HLCS: variants seen among roughly 807,000 people sequenced by gnomAD.
The protein encoded by HLCS is biotin--protein ligase.
HLCS carries 53 observed loss-of-function variants against 75.0 expected under a neutral mutation model. The ratio of observed to expected loss-of-function variants is 0.71; its 90% confidence interval spans 0.57 to 0.89. The LOEUF is 0.89. Among genes scored for constraint, HLCS ranks in the 40% least tolerant of loss-of-function variants. HLCS has a pLI of 0.00. For synonymous variants in HLCS, 431 were observed against 428.6 expected, an observed-to-expected ratio of 1.01 and a Z score of -0.07; for missense variants, 966 against 1,074.0, an observed-to-expected ratio of 0.90 and a Z score of 1.41.
intron 5 of HLCS, among the ~76,000 whole-genome samples, chr21:36,918,005 G>C (rs2066005445): frequency 6.7e-6 from 1 of 150,248 alleles, no homozygotes; most frequent in Admixed American, 6.6e-5. Flanking sequence ...TAAATAAAGA[G>C]AACTGTTTTA....
At chr21:36,898,032 A>G (rs1031455264) in intron 5 of HLCS, among the ~76,000 whole-genome samples, 1 of 152,228 alleles carries the variant, frequency 6.6e-6, no homozygotes, top group African/African-American at 2.4e-5. Flanking sequence ...CTGTGGCTAC[A>G]GAGTAGTGGC....
chr21:36,767,106 T>C, intron 7 of HLCS, 112 bp downstream of exon 7: 1 of 1,028,492 alleles, frequency 9.7e-7, no homozygotes, highest in Non-Finnish European at 1.5e-6. Context: ...CAGAATCTAC[T>C]AACTTGAGTC....
intron 2 of HLCS, among the ~76,000 whole-genome samples, 151 bp downstream of exon 2, chr21:36,961,885 C>G (rs564005910): frequency 6.8e-6 from 1 of 146,844 alleles, no homozygotes; most frequent in East Asian, 2.0e-4. Context: ...ACCCAGGAGG[C>G]GGAGGTCCCA....
At chr21:36,930,485 GA>G in intron 4 of HLCS, 52 bp from the exon 5 acceptor site, 1 of 1,386,792 alleles carries the variant, frequency 7.2e-7, no homozygotes, top group South Asian at 1.2e-5. Flanking sequence ...CAGGCAATGA[GA>G]AAAACAGTTT....
chr21:36,832,378 G>A (rs1248137933), intron 6 of HLCS, among the ~76,000 whole-genome samples: 4 of 152,188 alleles, frequency 2.6e-5, no homozygotes, highest in Non-Finnish European at 2.9e-5. Flanking sequence ...TTCTAATATA[G>A]ATCACACAAC....
chr21:36,770,730 C>A (rs1265355525), intron 6 of HLCS, among the ~76,000 whole-genome samples: 1 of 152,054 alleles, frequency 6.6e-6, no homozygotes, highest in Admixed American at 6.5e-5. Context: ...CATACCACCA[C>A]ACCTGGCTAA....
chr21:36,771,737 G>A (rs537232975), intron 6 of HLCS, among the ~76,000 whole-genome samples: 7 of 152,234 alleles, frequency 4.6e-5, no homozygotes, highest in East Asian at 3.9e-4. Context: ...GGTGGCTCAC[G>A]CCTATAATCC....
At chr21:36,771,026 T>C (rs1159469098) in intron 6 of HLCS, among the ~76,000 whole-genome samples, 1 of 151,966 alleles carries the variant, frequency 6.6e-6, no homozygotes, top group Non-Finnish European at 1.5e-5. Flanking sequence ...AAGACCATCC[T>C]GGCTAACACG....
intron 6 of HLCS, among the ~76,000 whole-genome samples, chr21:36,798,459 A>G (rs1185774381): frequency 6.6e-6 from 1 of 152,242 alleles, no homozygotes; most frequent in Non-Finnish European, 1.5e-5. Context: ...AGCTGCTATG[A>G]ATATCTACAT....
At chr21:36,765,768 C>T (rs1024316284) in intron 7 of HLCS, among the ~76,000 whole-genome samples, 36 of 152,142 alleles carry the variant, frequency 2.4e-4, no homozygotes, top group African/African-American at 8.4e-4. Context: ...CTGCCTCAGC[C>T]TCCCAAGTAA....
At chr21:36,777,556 A>G (rs1408591839) in intron 6 of HLCS, among the ~76,000 whole-genome samples, 2 of 152,248 alleles carry the variant, frequency 1.3e-5, no homozygotes, top group Non-Finnish European at 1.5e-5. Context: ...TGATGCATTG[A>G]GCTGTCACGG....
At chr21:36,957,485 T>C (rs1372342530) in intron 2 of HLCS, among the ~76,000 whole-genome samples, 3 of 152,352 alleles carry the variant, frequency 2.0e-5, no homozygotes, top group Non-Finnish European at 2.9e-5. Context: ...AGTTACCATA[T>C]GACAAGGCCT....
At chr21:36,781,177 T>C (rs953492954) in intron 6 of HLCS, among the ~76,000 whole-genome samples, 7 of 147,218 alleles carry the variant, frequency 4.8e-5, no homozygotes, top group African/African-American at 1.5e-4. Flanking sequence ...TGATCTGAGG[T>C]GGAGCTGAGG....
In HLCS at chr21:36,956,697, T is replaced by C. The variant is rs547118545; in HGVS notation, c.330+5339A>G. Among the ~76,000 whole-genome samples the C allele has an allele frequency of 1.3e-3, 204 of 152,074 alleles. 1 individual carries two copies. The highest frequency in any genetic ancestry group is 4.2e-4 in the South Asian group (2 of 4,792). On this transcript the variant is annotated intron_variant, in intron 2 of 10. Transcript: ENST00000674895. ...GTGAGCCGAGATCGTGCCACTGCAC[T>C]CTAGCCTAGGCAACAGAGCGAGACT...
chr21:36,760,797 G>A (rs573095561), intron 8 of HLCS, among the ~76,000 whole-genome samples: 12 of 152,264 alleles, frequency 7.9e-5, no homozygotes, highest in African/African-American at 2.9e-4. Flanking sequence ...TTACAGAATG[G>A]ACCAACACTG....
intron 6 of HLCS, among the ~76,000 whole-genome samples, chr21:36,857,470 G>A (rs897873609): frequency 6.6e-6 from 1 of 152,144 alleles, no homozygotes; most frequent in Admixed American, 6.5e-5. Context: ...ATGCTGTTTG[G>A]TCTTTCATTT....
At chr21:36,954,077 G>C (rs2146618293) in intron 2 of HLCS, among the ~76,000 whole-genome samples, 1 of 152,074 alleles carries the variant, frequency 6.6e-6, no homozygotes, top group African/African-American at 2.4e-5. Flanking sequence ...AGGCCGAGGA[G>C]GGTGGATCAC....
intron 6 of HLCS, among the ~76,000 whole-genome samples, chr21:36,834,083 G>A (rs2062315945): frequency 6.6e-6 from 1 of 152,210 alleles, no homozygotes; most frequent in Non-Finnish European, 1.5e-5. Context: ...CCTAGGCGAG[G>A]GTTCCACAGG....
At position 36,921,360 on chromosome 21, in the gene HLCS, G is replaced by A. The variant is rs545584888; in HGVS notation, c.1620+8891C>T. On this transcript the variant is annotated intron_variant, in intron 5 of 10. Transcript: ENST00000674895. Reference sequence around the variant, plus strand: ...CTCAGGAGGCTGAGGCAGGAGAATCGCTTGAACCCGGGAGGTGGAGGTTGC... The same window carrying A: ...CTCAGGAGGCTGAGGCAGGAGAATCACTTGAACCCGGGAGGTGGAGGTTGC... Among the ~76,000 whole-genome samples, 64 of 152,290 alleles carry A rather than the reference G, an allele frequency of 4.2e-4. No individual in the cohort carries two copies. The Middle Eastern group carries it at 0.01, about 24-fold the overall frequency.
Sources: gnomAD v4.1 joint callset for allele counts (sites outside exome capture counted in the v4.1 genomes callset) on GRCh38, gnomAD v4.1.1 for gene constraint, MANE v1.5 for transcripts, NCBI Gene and HGNC (gene_info 2026-07-23, HGNC 2026-07-21) for gene names.